DLC1: variants seen among roughly 807,000 people sequenced by gnomAD.
The protein encoded by DLC1 is rho GTPase-activating protein 7.
A neutral mutation model predicts 140.3 loss-of-function variants in DLC1; 54 were observed. That is an observed-to-expected ratio of 0.38 (90% CI 0.31 to 0.48). DLC1 has a LOEUF of 0.48. Among genes scored for constraint, DLC1 ranks in the 20% least tolerant of loss-of-function variants. DLC1 has a pLI of 0.96. For synonymous variants in DLC1, 986 were observed against 728.1 expected (o/e 1.35, Z -5.70); for missense variants, 2,536 against 1,907.0 (o/e 1.33, Z -6.14).
At chr8:13,417,003 G>A (rs895478810) in intron 2 of DLC1, among the ~76,000 whole-genome samples, 1 of 152,082 alleles carries the variant, frequency 6.6e-6, no homozygotes, top group African/African-American at 2.4e-5. Flanking sequence ...TTTCAAATCA[G>A]TAAATAAGTC....
intron 5 of DLC1, among the ~76,000 whole-genome samples, chr8:13,135,906 C>T (rs918693854): frequency 2.7e-4 from 41 of 152,152 alleles, no homozygotes; most frequent in African/African-American, 8.9e-4. Context: ...GTAGTTTGCT[C>T]ATTGTATAAT....
chr8:13,170,002 G>A (rs372432100), intron 5 of DLC1, among the ~76,000 whole-genome samples: 8 of 152,144 alleles, frequency 5.3e-5, no homozygotes, highest in African/African-American at 1.9e-4. Context: ...CCTGGCAACA[G>A]AGCAAGACCT....
At chr8:13,218,610 G>C (rs992941072) in intron 5 of DLC1, among the ~76,000 whole-genome samples, 1 of 151,598 alleles carries the variant, frequency 6.6e-6, no homozygotes, top group African/African-American at 2.4e-5. Context: ...ATCATAATTT[G>C]AGAAAAGGAA....
chr8:13,140,929 A>G (rs1366514827), intron 5 of DLC1, among the ~76,000 whole-genome samples: 1 of 152,154 alleles, frequency 6.6e-6, no homozygotes, highest in East Asian at 1.9e-4. Flanking sequence ...AGTATCACAT[A>G]TAGATGCCTT....
intron 4 of DLC1, among the ~76,000 whole-genome samples, chr8:13,372,243 G>A (rs565956723): frequency 1.3e-5 from 2 of 152,064 alleles, no homozygotes; most frequent in Non-Finnish European, 2.9e-5. Context: ...TTATATAGAG[G>A]TTATTCTAAA....
chr8:13,444,724 C>T (rs1487849600), intron 2 of DLC1, among the ~76,000 whole-genome samples: 2 of 151,974 alleles, frequency 1.3e-5, no homozygotes, highest in Non-Finnish European at 2.9e-5. Context: ...TTTAACATTA[C>T]AAGAATAGAA....
chr8:13,240,076 C>CT (rs201044357), intron 5 of DLC1, among the ~76,000 whole-genome samples: 2 of 151,126 alleles, frequency 1.3e-5, no homozygotes, highest in African/African-American at 2.4e-5. Flanking sequence ...ATTAGGGGGA[C>CT]TTTTTTTTTA....
chr8:13,488,401 G>A (rs1039907953), intron 2 of DLC1, among the ~76,000 whole-genome samples: 20 of 152,220 alleles, frequency 1.3e-4, no homozygotes, highest in African/African-American at 3.4e-4. Context: ...TATAAAGCCA[G>A]CATCATTTTC....
intron 5 of DLC1, among the ~76,000 whole-genome samples, chr8:13,195,069 A>C (rs560209161): frequency 1.2e-3 from 178 of 152,292 alleles, no homozygotes; most frequent in Non-Finnish European, 2.4e-3. Flanking sequence ...AAATGCTTCA[A>C]ATACACTGAG....
At chr8:13,430,781 A>T (rs185794501) in intron 2 of DLC1, among the ~76,000 whole-genome samples, 64 of 152,358 alleles carry the variant, frequency 4.2e-4, no homozygotes, top group Non-Finnish European at 7.9e-4. Flanking sequence ...AATGTTTATA[A>T]ATCACAGAAT....
chr8:13,232,692 C>T lies in DLC1; in HGVS notation c.1348+72577G>A, dbSNP rs949714698. On this transcript the variant is annotated intron_variant, in intron 5 of 17. Transcript: ENST00000276297. Reference sequence around the variant, plus strand: ...TAGAAGGATGCTTCTCTGACATTCACATTCATTTCAAGTGACATTAATATT... The same window carrying T: ...TAGAAGGATGCTTCTCTGACATTCATATTCATTTCAAGTGACATTAATATT... Among the ~76,000 whole-genome samples the T allele has an allele frequency of 3.9e-5, 6 of 152,318 alleles. 1 individual carries two copies. The South Asian group carries it at 1.0e-3, about 26-fold the overall frequency.
At chr8:13,191,726 C>G (rs536634673) in intron 5 of DLC1, among the ~76,000 whole-genome samples, 45 of 152,164 alleles carry the variant, frequency 3.0e-4, no homozygotes, top group African/African-American at 9.6e-4. Context: ...GGGTCAAAAC[C>G]TAGGATTCTG....
chr8:13,136,713 T>C (rs1014409005), intron 5 of DLC1, among the ~76,000 whole-genome samples: 2 of 152,164 alleles, frequency 1.3e-5, no homozygotes, highest in African/African-American at 4.8e-5. Flanking sequence ...TTTTGTATTT[T>C]TTGTAGAGAC....
In DLC1 at chr8:13,537,685, T is replaced by G. The variant is rs530806336; in HGVS notation, c.-125-37489A>C. 6.8e-3 allele frequency among the ~76,000 whole-genome samples: 916 copies of G among 134,354 alleles called. 8 individuals carry two copies. Among genetic ancestry groups the G allele is most frequent in the Non-Finnish European group, 0.011 (692 of 64,512 alleles). The allele number at this position is 134,354 out of a possible 152,430, so 88.1% of individuals were successfully genotyped here. On this transcript the variant is annotated intron_variant, in intron 1 of 1. Transcript: ENST00000631382. ...TTTTTTTTTTTTGAGACGGAGTCTC[T>G]CTCTGTCACCCAGGCTAGAATGCAG...
chr8:13,452,984 T>G (rs1460959992), intron 2 of DLC1, among the ~76,000 whole-genome samples: 2 of 152,122 alleles, frequency 1.3e-5, no homozygotes, highest in African/African-American at 4.8e-5. Context: ...GTTGTTGTTG[T>G]TTTAATCTTT....
intron 5 of DLC1, among the ~76,000 whole-genome samples, chr8:13,169,624 A>G (rs1472750356): frequency 1.2e-4 from 19 of 152,196 alleles, no homozygotes; most frequent in Admixed American, 1.0e-3. Context: ...TTGGAAACTC[A>G]GTTTTCCCAT....
At chr8:13,444,809 A>T (rs1033431317) in intron 2 of DLC1, among the ~76,000 whole-genome samples, 1 of 152,196 alleles carries the variant, frequency 6.6e-6, no homozygotes, top group Non-Finnish European at 1.5e-5. Context: ...CGTTCAAGGA[A>T]ATTTTTTATG....
In DLC1 at chr8:13,477,209, T is replaced by C. The variant is rs1021595047; in HGVS notation, c.1023+21840A>G. Among the ~76,000 whole-genome samples, 5 of 55,188 alleles carry C rather than the reference T, an allele frequency of 9.1e-5. No individual in the cohort carries two copies. In the South Asian group the frequency reaches 1.7e-3, roughly 18 times the overall value. The allele number at this position is 55,188 out of a possible 152,430, so 36.2% of individuals were successfully genotyped here. A position where few individuals can be genotyped will look rare whatever the true frequency, so the allele number is the denominator to read the frequency against. ...GCCTCAGGTTTATTCTCAAACAAGATGAAAAAAAAAATACTAATCCCCATT... is the reference window on the plus strand; with the variant it reads ...GCCTCAGGTTTATTCTCAAACAAGACGAAAAAAAAAATACTAATCCCCATT... On this transcript the variant is annotated intron_variant, in intron 2 of 17. Transcript: ENST00000276297.
intron 5 of DLC1, among the ~76,000 whole-genome samples, chr8:13,297,298 T>TAAAAAAAAAAAAAAAAAAAAAAAAAAA (rs1831999414): frequency 5.3e-4 from 4 of 7,530 alleles, no homozygotes; most frequent in East Asian, 4.3e-3. Context: ...AAAAAAAAAC[T>TAAAAAAAAAAAAAAAAAAAAAAAAAAA]GAAGCAAGTA....
Sources: gnomAD v4.1 joint callset for allele counts (sites outside exome capture counted in the v4.1 genomes callset) on GRCh38, gnomAD v4.1.1 for gene constraint, MANE v1.5 for transcripts, NCBI Gene and HGNC (gene_info 2026-07-23, HGNC 2026-07-21) for gene names.